Variants in ITSN1 observed in about 807,000 individuals in gnomAD.
The protein encoded by ITSN1 is intersectin-1.
In ITSN1, 58 loss-of-function variants were observed where a neutral mutation model predicts 239.8. That is an observed-to-expected ratio of 0.24 (90% CI 0.20 to 0.30). The LOEUF (loss-of-function observed/expected upper bound fraction) is 0.30, where lower values mean the gene tolerates loss of function less well. ITSN1 is among the 10% of genes least tolerant of loss of function. The pLI is 1.00. For synonymous variants in ITSN1, 780 were observed against 770.8 expected, an observed-to-expected ratio of 1.01 and a Z score of -0.20; for missense variants, 1,558 against 2,103.3, an observed-to-expected ratio of 0.74 and a Z score of 5.07.
At chr21:33,810,577 A>T (rs897390133) in intron 20 of ITSN1, among the ~76,000 whole-genome samples, 2 of 152,070 alleles carry the variant, frequency 1.3e-5, no homozygotes, top group African/African-American at 4.8e-5. Flanking sequence ...TATTGATTGC[A>T]CCCTTTGCTT....
chr21:33,880,845 C>T (rs980278919), intron 34 of ITSN1, among the ~76,000 whole-genome samples: 4 of 152,070 alleles, frequency 2.6e-5, no homozygotes, highest in Admixed American at 6.5e-5. Context: ...CAGCCATGGC[C>T]TTGCTATCCT....
At chr21:33,701,626 C>G (rs1351461768) in intron 1 of ITSN1, among the ~76,000 whole-genome samples, 1 of 149,004 alleles carries the variant, frequency 6.7e-6, no homozygotes, top group Admixed American at 6.7e-5. Context: ...AACCCTGTGT[C>G]TGTTAAAAAA....
intron 1 of ITSN1, among the ~76,000 whole-genome samples, chr21:33,690,920 C>A (rs2091517019): frequency 1.4e-5 from 2 of 146,636 alleles, no homozygotes; most frequent in South Asian, 4.3e-4. Context: ...GGGCCATGGG[C>A]AAGTCCTGTT....
intron 29 of ITSN1, among the ~76,000 whole-genome samples, chr21:33,848,001 G>T (rs1007263986): frequency 6.6e-6 from 1 of 152,164 alleles, no homozygotes; most frequent in South Asian, 2.1e-4. Context: ...CGTGACCCCA[G>T]TGTGTGGCCA....
chr21:33,824,501 C>A, intron 25 of ITSN1, among the ~76,000 whole-genome samples: 1 of 152,096 alleles, frequency 6.6e-6, no homozygotes, highest in Admixed American at 6.5e-5. Flanking sequence ...CCTCATACCT[C>A]CTAGGTACTG....
chr21:33,705,554 A>ATT (rs537103031), intron 1 of ITSN1, among the ~76,000 whole-genome samples: 13 of 146,028 alleles, frequency 8.9e-5, no homozygotes, highest in African/African-American at 3.2e-4. Context: ...CACCCGGCTA[A>ATT]TTTTTTTTTT....
intron 20 of ITSN1, among the ~76,000 whole-genome samples, chr21:33,808,374 C>T (rs996396216): frequency 2.0e-5 from 3 of 151,238 alleles, no homozygotes; most frequent in Non-Finnish European, 4.4e-5. Context: ...CACCTGAGGT[C>T]AGGAGTTCGA....
At chr21:33,873,165 G>A (rs946525984) in intron 33 of ITSN1, among the ~76,000 whole-genome samples, 8 of 152,190 alleles carry the variant, frequency 5.3e-5, no homozygotes, top group Non-Finnish European at 4.4e-5. Flanking sequence ...TTGTTGCTTG[G>A]AATTGATTTG....
intron 29 of ITSN1, among the ~76,000 whole-genome samples, chr21:33,838,753 C>T (rs1333153934): frequency 1.3e-5 from 2 of 152,200 alleles, no homozygotes; most frequent in Non-Finnish European, 2.9e-5. Flanking sequence ...AACTCTACCA[C>T]CCAGTTTAGC....
chr21:33,819,358 G>A, intron 24 of ITSN1, 35 bp downstream of exon 24: 1 of 1,457,062 alleles, frequency 6.9e-7, no homozygotes, highest in Non-Finnish European at 9.6e-7. Flanking sequence ...TCTTCAGAAG[G>A]GTCAAGGACA....
chr21:33,823,452 A>G (rs1171728369), intron 24 of ITSN1, 35 bp from the exon 25 acceptor site: 7 of 1,587,730 alleles, frequency 4.4e-6, no homozygotes, highest in Non-Finnish European at 6.0e-6. Context: ...TAAACAATCA[A>G]GCTCTCTCCG....
At chr21:33,678,445 TC>T (rs2090730036) in intron 1 of ITSN1, among the ~76,000 whole-genome samples, 1 of 152,216 alleles carries the variant, frequency 6.6e-6, no homozygotes, top group Non-Finnish European at 1.5e-5. Context: ...TCTGTTTTGT[TC>T]ACTTCTGAAT....
At chr21:33,676,658 T>A (rs910794123) in intron 1 of ITSN1, among the ~76,000 whole-genome samples, 1 of 152,208 alleles carries the variant, frequency 6.6e-6, no homozygotes, top group Non-Finnish European at 1.5e-5. Flanking sequence ...TTGAATTATT[T>A]TGGTTGCACT....
chr21:33,865,124 G>A lies in ITSN1; in HGVS notation c.3891-27G>A, dbSNP rs1391636277. 6.3e-7 allele frequency: 1 copy of A among 1,597,364 alleles called. No homozygotes were observed. Among genetic ancestry groups the A allele is most frequent in the East Asian group, 2.2e-5 (1 of 44,560 alleles). The stretch of plus-strand genomic sequence containing the variant: ...TGCTGTCAGATAGCGTGAAAGCAGG[G>A]GGCTCACCTCCCGTGTTTCCGTGCA... On this transcript the variant is annotated intron_variant, in intron 31 of 39. Coordinates refer to ENST00000381318, the MANE Select transcript of ITSN1 (RefSeq NM_003024.3). This position sits in a 1 kb window ranked among gnomAD's most constrained non-coding sequence, Gnocchi z 4.4.
intron 39 of ITSN1, among the ~76,000 whole-genome samples, 159 bp from the exon 40 acceptor site, chr21:33,887,993 G>A (rs543186829): frequency 2.6e-5 from 4 of 151,986 alleles, no homozygotes; most frequent in Admixed American, 6.6e-5. Flanking sequence ...TGGCAACTCC[G>A]CTGGGGAGCG....
At chr21:33,748,245 T>A (rs1264072334) in intron 5 of ITSN1, among the ~76,000 whole-genome samples, 1 of 151,522 alleles carries the variant, frequency 6.6e-6, no homozygotes, top group Non-Finnish European at 1.5e-5. Flanking sequence ...AGGCCAGGAG[T>A]TTGAGACCAG....
intron 16 of ITSN1, among the ~76,000 whole-genome samples, chr21:33,790,701 C>CA (rs2071055307): frequency 6.6e-6 from 1 of 152,002 alleles, no homozygotes; most frequent in African/African-American, 2.4e-5. Context: ...TGACAAATTC[C>CA]ATGTGGATTT....
chr21:33,826,895 A>G (rs760371493), intron 26 of ITSN1, 32 bp downstream of exon 26: 43 of 1,564,746 alleles, frequency 2.7e-5, no homozygotes, highest in South Asian at 4.4e-5. Flanking sequence ...TTACTTTTCA[A>G]TGTTTTGAAT....
chr21:33,829,597 A>G (rs1283099319), intron 26 of ITSN1, 27 bp from the exon 27 acceptor site: 3 of 1,611,248 alleles, frequency 1.9e-6, no homozygotes, highest in East Asian at 4.5e-5. Flanking sequence ...TTAACAGTGC[A>G]CTGCCGTGTT....
Sources: allele counts gnomAD v4.1 joint callset (sites outside exome capture counted in the v4.1 genomes callset), GRCh38; gene constraint gnomAD v4.1.1; non-coding constraint Gnocchi (gnomAD v3.1); transcripts MANE v1.5; gene names NCBI Gene and HGNC (gene_info 2026-07-23, HGNC 2026-07-21).